Variants in PLCH2 observed in about 807,000 individuals in gnomAD.
The protein encoded by PLCH2 is phospholipase C eta 2.
Under a neutral mutation model 134.7 loss-of-function variants are expected in PLCH2, and 98 were observed. The observed-to-expected ratio is 0.73, with a 90% CI of 0.62 to 0.86. The LOEUF is 0.86. PLCH2 is among the 40% of genes least tolerant of loss of function. The pLI is 0.00. For missense variants in PLCH2, 1,994 were observed against 1,986.6 expected, an observed-to-expected ratio of 1.00 and a Z score of -0.07; for synonymous variants, 974 against 827.5, an observed-to-expected ratio of 1.18 and a Z score of -3.04.
the PLCH2 span, among the ~76,000 whole-genome samples, chr1:2,417,737 C>T: frequency 1.3e-5 from 2 of 152,210 alleles, no homozygotes; most frequent in Non-Finnish European, 2.9e-5. Context: ...ACCTTCCCCA[C>T]ACAGCCTCCC....
At chr1:2,419,090 G>A in the PLCH2 span, among the ~76,000 whole-genome samples, 10 of 152,166 alleles carry the variant, frequency 6.6e-5, no homozygotes, top group African/African-American at 2.2e-4. Flanking sequence ...AGGATGTGGC[G>A]TCTGAGGCTC....
At chr1:2,478,723 A>G in intron 2 of PLCH2, 101 bp downstream of exon 2, 1 of 1,213,048 alleles carries the variant, frequency 8.2e-7, no homozygotes, top group Non-Finnish European at 1.2e-6. Context: ...GAGCAGCGAG[A>G]CCCTAGGCCT....
chr1:2,486,760 CAA>C (rs1642307493), intron 5 of PLCH2, 145 bp from the exon 6 acceptor site: 1 of 675,384 alleles, frequency 1.5e-6, no homozygotes, highest in South Asian at 1.7e-5. Context: ...ACGGTAGTCC[CAA>C]GTCATGTGAC....
At chr1:2,476,738 G>A (rs1200299493) in intron 1 of PLCH2, 26 bp downstream of exon 1, 8 of 1,581,536 alleles carry the variant, frequency 5.1e-6, no homozygotes, top group Non-Finnish European at 6.9e-6. Context: ...CGAGTGGCCT[G>A]GGCTGAGTGC....
At chr1:2,471,369 G>C (rs747372247), upstream of PLCH2, among the ~76,000 whole-genome samples, 4 of 152,208 alleles carry the variant, frequency 2.6e-5, no homozygotes, top group Non-Finnish European at 4.4e-5. Flanking sequence ...GCTGCACTGG[G>C]GGAAGGTACG....
upstream of PLCH2, among the ~76,000 whole-genome samples, chr1:2,463,948 G>A (rs1640940972): frequency 1.3e-5 from 2 of 152,250 alleles, no homozygotes. Flanking sequence ...GGTCTCCTGA[G>A]CTGGCCGGAG....
In PLCH2 at chr1:2,503,924, A is replaced by ACC; in HGVS notation, c.2964_2965dup (p.Arg989ProfsTer58). On this transcript the variant is annotated frameshift_variant, in exon 22 of 22. Coordinates refer to ENST00000378486, the MANE Select transcript of PLCH2 (RefSeq NM_014638.4). LOFTEE classifies it high-confidence loss of function. ...CTCACTCCCCCACCTCCCCACAGACACCCGCCCCCTCTCCACGCAGCGGCC... is the reference window on the plus strand; with the variant it reads ...CTCACTCCCCCACCTCCCCACAGACACCCCCGCCCCCTCTCCACGCAGCGGCC... The ACC allele has an allele frequency of 1.7e-6, 1 of 585,784 alleles. No individual in the cohort carries two copies. Among genetic ancestry groups the ACC allele is most frequent in the Admixed American group, 4.3e-5 (1 of 23,210 alleles). The allele number at this position is 585,784 out of a possible 1,614,324, so 36.3% of individuals were successfully genotyped here.
At chr1:2,416,059 C>T in the PLCH2 span, among the ~76,000 whole-genome samples, 5 of 152,218 alleles carry the variant, frequency 3.3e-5, no homozygotes, top group Non-Finnish European at 5.9e-5. Flanking sequence ...GTGGGCAGCC[C>T]CGCAGGTGAT....
rs563554935 is a variant in PLCH2, at chr1:2,479,939, C to T, written c.477C>T (p.Asp159=). Residue 159 remains aspartate, a synonymous_variant, in exon 3 of 22, where the codon GAC becomes GAT. Transcript: ENST00000378486. Reference sequence around the variant, plus strand: ...GCTACCTCATGGCCGGCATCAGCGACGAGGACAGCCTGGCTCGCCGCCAGC... The same window carrying T: ...GCTACCTCATGGCCGGCATCAGCGATGAGGACAGCCTGGCTCGCCGCCAGC... ...GLRYLMAGIS[D]EDSLARRQRT... 52 of 1,609,074 alleles carry T rather than the reference C, an allele frequency of 3.2e-5. No individual in the cohort carries two copies. Among genetic ancestry groups the T allele is most frequent in the East Asian group, 2.0e-4 (9 of 44,778 alleles).
Position 2,489,330 on chromosome 1 carries a change from C to A in PLCH2, c.1359C>A (p.Ala453=), listed in dbSNP as rs760374466. Residue 453 remains alanine, a synonymous_variant, in exon 9 of 22, where the codon GCC becomes GCA. Transcript: ENST00000378486. ...LDLSSVSSED[A]TTLPSPQMLK... ...TGTCATCAGTGAGCAGTGAAGATGC[C>A]ACCACACTCCCCTCTCCACAGATGC... is the stretch of plus-strand genomic sequence containing the variant. The A allele has an allele frequency of 1.7e-5, 28 of 1,613,724 alleles. No individual in the cohort carries two copies. The highest frequency in any genetic ancestry group is 2.2e-5 in the Non-Finnish European group (26 of 1,179,878).
chr1:2,481,904 G>A (rs1343531296), intron 4 of PLCH2, among the ~76,000 whole-genome samples: 2 of 152,262 alleles, frequency 1.3e-5, no homozygotes, highest in Non-Finnish European at 2.9e-5. Context: ...CATCAGCTTC[G>A]CTGTAGAGAA....
In PLCH2 at chr1:2,484,236, G is replaced by C. The variant is rs58328795; in HGVS notation, c.646-212G>C. On this transcript the variant is annotated intron_variant, in intron 4 of 21. Transcript: ENST00000378486. Reference sequence around the variant, plus strand: ...GGTGAAAAGCATATGGCTTCAGGCAGGTGCGTCAGTTCTGCATTTTCATGG... The same window carrying C: ...GGTGAAAAGCATATGGCTTCAGGCACGTGCGTCAGTTCTGCATTTTCATGG... Among the ~76,000 whole-genome samples the C allele has an allele frequency of 3.2e-3, 492 of 152,276 alleles. 25 individuals carry two copies. The East Asian group carries it at 0.082, about 25-fold the overall frequency.
intron 2 of PLCH2, among the ~76,000 whole-genome samples, chr1:2,447,468 G>T (rs1273098067): frequency 2.0e-5 from 3 of 152,194 alleles, no homozygotes; most frequent in Non-Finnish European, 2.9e-5. Context: ...TCCCACTGGG[G>T]AGCAAGGAGG....
chr1:2,462,541 C>T (rs1230887116), upstream of PLCH2, among the ~76,000 whole-genome samples: 1 of 151,964 alleles, frequency 6.6e-6, no homozygotes, highest in Non-Finnish European at 1.5e-5. Context: ...CCCAAGGCAT[C>T]TTGGTCCATC....
At position 2,448,924 on chromosome 1, in the gene PLCH2, T is replaced by C. The variant is rs906371701; in HGVS notation, c.115+18295T>C. Reference sequence around the variant, plus strand: ...AAGGCACCTGGGGCCTCCAGAATGCTCGTTTCGTCAAACTGTTGTACGTGG... The same window carrying C: ...AAGGCACCTGGGGCCTCCAGAATGCCCGTTTCGTCAAACTGTTGTACGTGG... On this transcript the variant is annotated intron_variant, in intron 2 of 3. Transcript: ENST00000609981. This position sits in a 1 kb window ranked among gnomAD's most constrained non-coding sequence, Gnocchi z 4.0. Among the ~76,000 whole-genome samples the C allele has an allele frequency of 6.6e-6, 1 of 152,144 alleles. No individual in the cohort carries two copies. Among genetic ancestry groups the C allele is most frequent in the Non-Finnish European group, 1.5e-5 (1 of 68,024 alleles).
In PLCH2 at chr1:2,504,435, T is replaced by A. The variant is rs1273260399; in HGVS notation, c.3473T>A (p.Leu1158His). Residue 1158 changes from leucine (L) to histidine (H), a missense_variant, in exon 22 of 22, where the codon CTC becomes CAC. Physicochemically the swap from Leu to His is moderately conservative, Grantham distance 99. Around this residue, in one of 2 missense-constraint regions of PLCH2, gnomAD observed 900 missense variants for 752.3 expected, o/e 1.20. Transcript: ENST00000378486. ...SMSSSDTVID[L>H]SLPSLGLGRS... is the part of the protein sequence containing the mutation. ...TCATCCAGCGACACTGTCATTGACC[T>A]CTCCCTGCCCAGCCTGGGCCTGGGC... The A allele has an allele frequency of 6.2e-7, 1 of 1,611,726 alleles. No homozygotes were observed. The highest frequency in any genetic ancestry group is 1.7e-5 in the Admixed American group (1 of 59,964).
At chr1:2,465,899 C>T (rs140504508), upstream of PLCH2, among the ~76,000 whole-genome samples, 905 of 152,320 alleles carry the variant, frequency 5.9e-3, 13 homozygotes, top group African/African-American at 0.021. Flanking sequence ...AGCCCGCACA[C>T]CCCTCTCCCT....
intron 11 of PLCH2, 70 bp from the exon 12 acceptor site, chr1:2,494,786 G>T: frequency 8.8e-7 from 1 of 1,136,230 alleles, no homozygotes. Context: ...GGACCACCAG[G>T]GGCTGTCCCG....
upstream of PLCH2, among the ~76,000 whole-genome samples, chr1:2,421,225 G>A (rs1224192124): frequency 2.0e-5 from 3 of 152,100 alleles, no homozygotes; most frequent in Non-Finnish European, 2.9e-5. Context: ...GGTTACAGAC[G>A]TGAGCCACTG....
Sources: gnomAD v4.1 joint callset for allele counts (sites outside exome capture counted in the v4.1 genomes callset) on GRCh38, gnomAD v4.1.1 for gene constraint, gnomAD v4.1.1 regional missense constraint, Gnocchi (gnomAD v3.1) non-coding constraint, MANE v1.5 for transcripts, NCBI Gene and HGNC (gene_info 2026-07-23, HGNC 2026-07-21) for gene names.